VPS13C: variants seen among roughly 807,000 people sequenced by gnomAD.
VPS13C encodes vacuolar protein sorting 13 homolog C.
A neutral mutation model predicts 456.8 loss-of-function variants in VPS13C; 358 were observed. That is an observed-to-expected ratio of 0.78 (90% confidence interval 0.72 to 0.86). VPS13C has a LOEUF of 0.86. VPS13C is among the 40% of genes least tolerant of loss of function. The pLI is 0.00. For synonymous variants in VPS13C, 1,578 were observed against 1,486.7 expected, an observed-to-expected ratio of 1.06 and a Z score of -1.41; for missense variants, 4,818 against 4,385.4, an observed-to-expected ratio of 1.10 and a Z score of -2.79.
chr15:61,978,565 C>T, intron 23 of VPS13C, 61 bp downstream of exon 23: 2 of 1,567,410 alleles, frequency 1.3e-6, no homozygotes, highest in East Asian at 2.3e-5. Context: ...CATATATACA[C>T]GTATATTACA....
chr15:61,965,047 T>C (rs1198684409), intron 30 of VPS13C, among the ~76,000 whole-genome samples, 186 bp from the exon 31 acceptor site: 20 of 152,106 alleles, frequency 1.3e-4, no homozygotes, highest in Admixed American at 9.8e-4. Flanking sequence ...ATTACACTTA[T>C]ACACTTCAGG....
chr15:62,033,530 T>A lies in VPS13C; in HGVS notation c.296A>T (p.Asp99Val). The A allele has an allele frequency of 6.3e-7, 1 of 1,595,614 alleles. No individual in the cohort carries two copies. The highest frequency in any genetic ancestry group is 8.6e-7 in the Non-Finnish European group (1 of 1,168,594). Reference protein sequence around the residue: ...LVVPGASIKYDAVKEEKSLQD... With the variant: ...LVVPGASIKYVAVKEEKSLQD... ...CAAGGATTTTTCTTCTTTTACAGCA[T>A]CATACTTAATACCTAAAAATATACA... Residue 99 changes from aspartate (D) to valine (V), a missense_variant, in exon 5 of 85, where the codon GAT becomes GTT. Coordinates refer to ENST00000644861, the MANE Select transcript of VPS13C (RefSeq NM_020821.3).
intron 16 of VPS13C, among the ~76,000 whole-genome samples, chr15:61,993,968 A>G (rs1369400202): frequency 6.6e-6 from 1 of 152,110 alleles, no homozygotes; most frequent in Admixed American, 6.6e-5. Context: ...GCATATATAT[A>G]TATATATGAG....
At chr15:61,881,689 A>C (rs1426390213) in intron 70 of VPS13C, 57 bp from the exon 71 acceptor site, 1 of 1,599,446 alleles carries the variant, frequency 6.3e-7, no homozygotes, top group Non-Finnish European at 8.5e-7. Context: ...GGTTAAACTA[A>C]TGCCTATTTA....
intron 21 of VPS13C, among the ~76,000 whole-genome samples, chr15:61,981,705 A>C (rs762613914): frequency 6.6e-6 from 1 of 150,844 alleles, no homozygotes; most frequent in Non-Finnish European, 1.5e-5. Flanking sequence ...CTAAAAATAC[A>C]AAAAAAAATT....
chr15:61,919,516 T>A lies in VPS13C; in HGVS notation c.7478-67A>T. 7 of 1,369,736 alleles carry A rather than the reference T, an allele frequency of 5.1e-6. No homozygotes were observed. In the South Asian group the frequency reaches 1.3e-4, roughly 26 times the overall value. 84.8% of individuals were successfully genotyped at this position (1,369,736 alleles called of 1,614,324 possible). On this transcript the variant is annotated intron_variant, in intron 57 of 84. Coordinates refer to ENST00000644861, the MANE Select transcript of VPS13C (RefSeq NM_020821.3). Reference sequence around the variant, plus strand: ...TGCCAATGTTTCTCTATAACAATCATTAGTACCTCAAAATAATGAAGAGTA... The same window carrying A: ...TGCCAATGTTTCTCTATAACAATCAATAGTACCTCAAAATAATGAAGAGTA...
intron 38 of VPS13C, among the ~76,000 whole-genome samples, chr15:61,952,804 G>C (rs929823696): frequency 2.0e-5 from 3 of 151,870 alleles, no homozygotes; most frequent in African/African-American, 7.3e-5. Flanking sequence ...CTGCAGTCTT[G>C]ACCTCCTGGG....
At chr15:61,911,770 C>G in intron 63 of VPS13C, 70 bp downstream of exon 63, 1 of 1,365,018 alleles carries the variant, frequency 7.3e-7, no homozygotes, top group Non-Finnish European at 9.7e-7. Flanking sequence ...GAGGTATATA[C>G]AATTCTTATT....
At chr15:61,865,466 C>T (rs969612492) in intron 81 of VPS13C, 9 of 984,062 alleles carry the variant, frequency 9.1e-6, no homozygotes, top group East Asian at 1.1e-4. Flanking sequence ...CTGTTTTAAA[C>T]GTTGCATGAT....
At chr15:61,982,131 C>A (rs574727451) in intron 21 of VPS13C, among the ~76,000 whole-genome samples, 1 of 152,158 alleles carries the variant, frequency 6.6e-6, no homozygotes, top group South Asian at 2.1e-4. Context: ...AAGTAAGTAT[C>A]TTTCAAACTA....
chr15:62,052,017 AT>A (rs1567152634), intron 1 of VPS13C, among the ~76,000 whole-genome samples: 2 of 152,244 alleles, frequency 1.3e-5, no homozygotes, highest in African/African-American at 2.4e-5. Flanking sequence ...AGGTTATACA[AT>A]TTTTTTGTGG....
chr15:61,906,663 T>A (rs2043160926), intron 66 of VPS13C: 1 of 153,136 alleles, frequency 6.5e-6, no homozygotes, highest in Non-Finnish European at 1.5e-5. Flanking sequence ...ATCATGGATT[T>A]TATTCATACA....
intron 1 of VPS13C, among the ~76,000 whole-genome samples, chr15:62,052,541 C>T (rs978148605): frequency 1.3e-5 from 2 of 151,690 alleles, no homozygotes; most frequent in African/African-American, 2.4e-5. Context: ...GGCGTGGTGG[C>T]GGGTGCCTGT....
chr15:61,880,894 A>G lies in VPS13C; in HGVS notation c.9837T>C (p.Ala3279=). ...ALKIDQGFLG[A]IIALFTPTTD... ...TTGTTGGGGTAAACAGTGCAATAAT[A>G]GCTCCTAGAAACCCTTGATCAATTT... The change falls in exon 72 of 85, where the codon GCT becomes GCC. Residue 3279 remains alanine (A), a synonymous_variant. Coordinates refer to ENST00000644861, the MANE Select transcript of VPS13C (RefSeq NM_020821.3). The G allele has an allele frequency of 6.2e-7, 1 of 1,610,686 alleles. No individual in the cohort carries two copies. The highest frequency in any genetic ancestry group is 8.5e-7 in the Non-Finnish European group (1 of 1,178,524).
intron 67 of VPS13C, among the ~76,000 whole-genome samples, chr15:61,888,925 C>T (rs1179660894): frequency 6.6e-6 from 1 of 152,044 alleles, no homozygotes; most frequent in East Asian, 1.9e-4. Flanking sequence ...AAATGTACCA[C>T]ACTACTGCAA....
chr15:62,046,330 G>T (rs1023986547), intron 1 of VPS13C, among the ~76,000 whole-genome samples: 1 of 152,152 alleles, frequency 6.6e-6, no homozygotes, highest in African/African-American at 2.4e-5. Context: ...TCCAGATGCA[G>T]GAGTAATAAA....
intron 12 of VPS13C, among the ~76,000 whole-genome samples, chr15:62,011,632 C>T (rs570974141): frequency 6.6e-6 from 1 of 151,780 alleles, no homozygotes; most frequent in African/African-American, 2.4e-5. Flanking sequence ...TAACAGGAAG[C>T]TTTGTTAGAG....
At chr15:61,921,011 G>C (rs542206576) in intron 55 of VPS13C, among the ~76,000 whole-genome samples, 2 of 152,070 alleles carry the variant, frequency 1.3e-5, no homozygotes, top group African/African-American at 4.8e-5. Context: ...CCTATTAGAG[G>C]TGCCACCTGG....
intron 63 of VPS13C, among the ~76,000 whole-genome samples, chr15:61,911,540 G>A (rs560724540): frequency 1.3e-5 from 2 of 152,112 alleles, no homozygotes; most frequent in Non-Finnish European, 2.9e-5. Flanking sequence ...ACATTATCTT[G>A]ACTATGGAGA....
Sources: allele counts gnomAD v4.1 joint callset (sites outside exome capture counted in the v4.1 genomes callset), GRCh38; gene constraint gnomAD v4.1.1; transcripts MANE v1.5; gene names NCBI Gene and HGNC (gene_info 2026-07-23, HGNC 2026-07-21).